Variants in ATP9A observed in about 807,000 individuals in gnomAD.
ATP9A encodes probable phospholipid-transporting ATPase IIA.
In ATP9A, 52 loss-of-function variants were observed where a neutral mutation model predicts 144.1. That is an observed-to-expected ratio of 0.36 (90% CI 0.29 to 0.45). The LOEUF (loss-of-function observed/expected upper bound fraction) is 0.45, where lower values mean the gene tolerates loss of function less well. ATP9A is among the 20% of genes least tolerant of loss of function. The pLI is 1.00. For missense variants in ATP9A, 947 were observed against 1,392.7 expected, an observed-to-expected ratio of 0.68 and a Z score of 5.09; for synonymous variants, 582 against 557.4, an observed-to-expected ratio of 1.04 and a Z score of -0.62.
chr20:51,713,095 G>C, intron 3 of ATP9A, 21 bp from the exon 4 acceptor site: 1 of 1,591,464 alleles, frequency 6.3e-7, no homozygotes, highest in Non-Finnish European at 8.6e-7. Flanking sequence ...AGACGACAGT[G>C]AGTCTTGCTA....
At chr20:51,704,840 A>G (rs562953411) in intron 4 of ATP9A, among the ~76,000 whole-genome samples, 2 of 152,384 alleles carry the variant, frequency 1.3e-5, no homozygotes, top group South Asian at 4.1e-4. Context: ...AGTATGAAAA[A>G]GTATTCAGCA....
intron 1 of ATP9A, among the ~76,000 whole-genome samples, chr20:51,748,940 T>C (rs62226756): frequency 0.11 from 10,589 of 92,912 alleles, 554 homozygotes; most frequent in African/African-American, 0.21. Flanking sequence ...GATAGATAGA[T>C]AGATAGATAG....
At position 51,759,269 on chromosome 20, in the gene ATP9A, G is replaced by GT. The variant is rs529414542; in HGVS notation, c.68+9032_68+9033insA. ...AGAGGGGAAGGTCGGTGGCTGAGGA[G>GT]GGGGGTGTCTCTGGGTTTCACCCAC... On this transcript the variant is annotated intron_variant, in intron 1 of 27. Coordinates refer to ENST00000338821, the MANE Select transcript of ATP9A (RefSeq NM_006045.3). Among the ~76,000 whole-genome samples the GT allele has an allele frequency of 3.7e-3, 563 of 152,336 alleles. 4 individuals are homozygous for GT. Among genetic ancestry groups the GT allele is most frequent in the African/African-American group, 0.012 (490 of 41,582 alleles).
At chr20:51,729,036 CATTT>C (rs2077728020) in intron 2 of ATP9A, among the ~76,000 whole-genome samples, 1 of 152,162 alleles carries the variant, frequency 6.6e-6, no homozygotes, top group African/African-American at 2.4e-5. Flanking sequence ...CCACCAGAAA[CATTT>C]ATTATTAGCA....
intron 1 of ATP9A, chr20:51,735,057 C>A: frequency 5.1e-6 from 1 of 197,438 alleles, no homozygotes; most frequent in Non-Finnish European, 1.1e-5. Context: ...CCCTAAAAGG[C>A]TTCAGAGTAG....
chr20:51,640,218 C>T (rs1293631894), intron 14 of ATP9A, among the ~76,000 whole-genome samples: 3 of 152,228 alleles, frequency 2.0e-5, no homozygotes, highest in Non-Finnish European at 2.9e-5. Flanking sequence ...CACAGCCCTT[C>T]GCCTTCAGGC....
chr20:51,708,763 A>T (rs2077625292), intron 4 of ATP9A, among the ~76,000 whole-genome samples: 1 of 152,154 alleles, frequency 6.6e-6, no homozygotes, highest in Non-Finnish European at 1.5e-5. Flanking sequence ...ATAAATAAAT[A>T]AATCTAGTTT....
chr20:51,768,213 G>A, intron 1 of ATP9A, 89 bp downstream of exon 1: 2 of 854,498 alleles, frequency 2.3e-6, no homozygotes, highest in East Asian at 8.2e-5. Flanking sequence ...CGCGGCGCGC[G>A]GCCAACCTGT....
intron 1 of ATP9A, among the ~76,000 whole-genome samples, chr20:51,741,816 T>C (rs574081622): frequency 1.3e-5 from 2 of 152,280 alleles, no homozygotes; most frequent in South Asian, 2.1e-4. Context: ...CTGGAAACAC[T>C]GTTGTCTGTC....
chr20:51,715,361 T>C (rs1568833070), intron 3 of ATP9A, among the ~76,000 whole-genome samples: 1 of 151,882 alleles, frequency 6.6e-6, no homozygotes. Flanking sequence ...ACATAGGGAG[T>C]GAGAGAAAAC....
chr20:51,736,182 C>CA (rs1251831789), intron 1 of ATP9A, among the ~76,000 whole-genome samples: 1 of 152,192 alleles, frequency 6.6e-6, no homozygotes, highest in Non-Finnish European at 1.5e-5. Context: ...ACTCGCAAAG[C>CA]ATGCAAAGAC....
chr20:51,601,407 G>T, intron 27 of ATP9A, 60 bp from the exon 28 acceptor site: 1 of 1,491,120 alleles, frequency 6.7e-7, no homozygotes, highest in Non-Finnish European at 9.0e-7. Flanking sequence ...GGTGCATGGG[G>T]TCCAGAAACA....
At chr20:51,603,820 G>A (rs953622423) in intron 27 of ATP9A, among the ~76,000 whole-genome samples, 6 of 151,750 alleles carry the variant, frequency 4.0e-5, no homozygotes, top group Non-Finnish European at 5.9e-5. Context: ...TTACTCTGTC[G>A]CCCAGGCTAG....
chr20:51,630,947 G>A (rs893671657), intron 15 of ATP9A, among the ~76,000 whole-genome samples: 3 of 152,148 alleles, frequency 2.0e-5, no homozygotes, highest in African/African-American at 7.2e-5. Flanking sequence ...CCTGGGTCTA[G>A]GGAGTAACAG....
intron 4 of ATP9A, among the ~76,000 whole-genome samples, chr20:51,708,535 G>A (rs1338201354): frequency 6.6e-6 from 1 of 151,684 alleles, no homozygotes; most frequent in Non-Finnish European, 1.5e-5. Context: ...AGGAGCTCGA[G>A]ACCAGCCTGG....
At chr20:51,669,567 G>A (rs1169250750) in intron 13 of ATP9A, among the ~76,000 whole-genome samples, 1 of 152,176 alleles carries the variant, frequency 6.6e-6, no homozygotes, top group African/African-American at 2.4e-5. Flanking sequence ...AAACATCAAC[G>A]TGGTCGTAAA....
At position 51,756,107 on chromosome 20, in the gene ATP9A, T is replaced by C. The variant is rs544949528; in HGVS notation, c.68+12195A>G. ...CTTGGGCTGCCATAATAAAATATCA[T>C]AGACTGGATGGCTTAAACAACAGAA... On this transcript the variant is annotated intron_variant, in intron 1 of 27. Transcript: ENST00000338821. 9.8e-5 allele frequency among the ~76,000 whole-genome samples: 15 copies of C among 152,298 alleles called. No individual in the cohort carries two copies. The South Asian group carries it at 2.7e-3, about 27-fold the overall frequency.
At chr20:51,659,683 C>T (rs1381050837) in intron 13 of ATP9A, among the ~76,000 whole-genome samples, 1 of 152,146 alleles carries the variant, frequency 6.6e-6, no homozygotes, top group East Asian at 1.9e-4. Flanking sequence ...TAAAATGAGT[C>T]GCACTTTACA....
intron 9 of ATP9A, among the ~76,000 whole-genome samples, chr20:51,678,444 G>C (rs1041332227): frequency 6.6e-6 from 1 of 152,166 alleles, no homozygotes; most frequent in Admixed American, 6.5e-5. Flanking sequence ...AGGAGGAGGC[G>C]CTGAAGTCCT....
Sources: gnomAD v4.1 joint callset for allele counts (sites outside exome capture counted in the v4.1 genomes callset) on GRCh38, gnomAD v4.1.1 for gene constraint, MANE v1.5 for transcripts, NCBI Gene and HGNC (gene_info 2026-07-23, HGNC 2026-07-21) for gene names.